SGCD: variants seen among roughly 807,000 people sequenced by gnomAD.
SGCD encodes the protein sarcoglycan delta.
In SGCD, 18 loss-of-function variants were observed where a neutral mutation model predicts 36.6. The observed-to-expected ratio is 0.49, with a 90% CI of 0.34 to 0.73. SGCD has a LOEUF of 0.73. SGCD is among the 30% of genes least tolerant of loss of function. The pLI is 0.01. For missense variants in SGCD, 387 were observed against 346.7 expected (o/e 1.12, Z -0.92); for synonymous variants, 133 against 130.6 (o/e 1.02, Z -0.12).
the SGCD span, among the ~76,000 whole-genome samples, chr5:155,792,803 G>A: frequency 4.8e-3 from 734 of 152,274 alleles, 2 homozygotes; most frequent in African/African-American, 0.017. Context: ...CATTGTTGGC[G>A]GGAATGCAAA....
chr5:156,427,063 T>C (rs1426379868), intron 3 of SGCD, among the ~76,000 whole-genome samples: 3 of 152,142 alleles, frequency 2.0e-5, no homozygotes, highest in Admixed American at 6.6e-5. Flanking sequence ...AGGATTCTTT[T>C]TTCTGGTTCT....
intron 3 of SGCD, among the ~76,000 whole-genome samples, chr5:156,200,976 C>T (rs930917340): frequency 7.2e-5 from 11 of 152,096 alleles, no homozygotes; most frequent in Admixed American, 5.9e-4. Flanking sequence ...TTATGCTAAG[C>T]AAAATAAGCC....
intron 3 of SGCD, among the ~76,000 whole-genome samples, chr5:156,485,760 G>T (rs151097664): frequency 6.6e-6 from 1 of 152,102 alleles, no homozygotes; most frequent in Non-Finnish European, 1.5e-5. Flanking sequence ...CTGAAGGAGC[G>T]TCTTTGTGAG....
chr5:155,929,693 G>T (rs893718033), intron 1 of SGCD, among the ~76,000 whole-genome samples: 10 of 152,038 alleles, frequency 6.6e-5, no homozygotes, highest in African/African-American at 2.2e-4. Flanking sequence ...TTCTATTATG[G>T]CACAGACTTC....
intron 7 of SGCD, among the ~76,000 whole-genome samples, chr5:156,738,214 A>ATTAT (rs1290261286): frequency 6.6e-6 from 1 of 152,198 alleles, no homozygotes; most frequent in African/African-American, 2.4e-5. Context: ...ATTCAAATCA[A>ATTAT]TTATTTAGTT....
At chr5:156,689,649 C>T (rs1404113524) in intron 7 of SGCD, among the ~76,000 whole-genome samples, 2 of 152,134 alleles carry the variant, frequency 1.3e-5, no homozygotes, top group East Asian at 3.8e-4. Context: ...CCCCACCATC[C>T]AAATTGAGAA....
At chr5:156,580,645 A>G (rs1760214674) in intron 4 of SGCD, among the ~76,000 whole-genome samples, 2 of 152,138 alleles carry the variant, frequency 1.3e-5, no homozygotes, top group South Asian at 4.2e-4. Flanking sequence ...TATTTCATTA[A>G]TTTGATCTTC....
intron 3 of SGCD, among the ~76,000 whole-genome samples, chr5:156,205,975 G>C (rs1202622750): frequency 7.1e-6 from 1 of 141,524 alleles, no homozygotes; most frequent in Non-Finnish European, 1.5e-5. Flanking sequence ...ATATATGTGT[G>C]TGTATATATA....
chr5:156,657,422 G>C (rs1763735582), intron 7 of SGCD, among the ~76,000 whole-genome samples: 1 of 134,670 alleles, frequency 7.4e-6, no homozygotes, highest in Non-Finnish European at 1.5e-5. Context: ...GTAGTCCCCG[G>C]AGTGTGATGT....
At chr5:156,125,144 C>A (rs530927980) in intron 3 of SGCD, among the ~76,000 whole-genome samples, 6 of 152,242 alleles carry the variant, frequency 3.9e-5, no homozygotes, top group Admixed American at 2.0e-4. Context: ...CCATTGGTAA[C>A]TCATTTGATG....
intron 1 of SGCD, among the ~76,000 whole-genome samples, chr5:155,879,319 G>C (rs1755831470): frequency 6.6e-6 from 1 of 152,124 alleles, no homozygotes; most frequent in African/African-American, 2.4e-5. Flanking sequence ...TTGTACGCTA[G>C]AGTGATTTCA....
intron 7 of SGCD, among the ~76,000 whole-genome samples, chr5:156,688,642 A>C (rs993061523): frequency 1.3e-5 from 2 of 152,230 alleles, no homozygotes; most frequent in African/African-American, 4.8e-5. Flanking sequence ...ACAGTGAAGA[A>C]ACTCTGGTTT....
intron 3 of SGCD, among the ~76,000 whole-genome samples, chr5:156,389,464 G>A (rs1241777663): frequency 6.6e-6 from 1 of 152,152 alleles, no homozygotes; most frequent in Admixed American, 6.6e-5. Flanking sequence ...AGACATCTGG[G>A]AGTTATAGTA....
intron 3 of SGCD, among the ~76,000 whole-genome samples, chr5:156,482,622 T>C (rs1255676196): frequency 6.6e-6 from 1 of 152,198 alleles, no homozygotes; most frequent in Non-Finnish European, 1.5e-5. Flanking sequence ...CAAAGTATCA[T>C]AATTCCATTG....
At chr5:156,216,961 C>A (rs187030103) in intron 3 of SGCD, among the ~76,000 whole-genome samples, 1 of 152,108 alleles carries the variant, frequency 6.6e-6, no homozygotes. Context: ...AGCCTGTAAT[C>A]CAGCTACTCT....
chr5:156,392,953 A>C (rs72798976), intron 3 of SGCD, among the ~76,000 whole-genome samples: 11,812 of 152,104 alleles, frequency 0.078, 538 homozygotes, highest in South Asian at 0.15. Context: ...TTTTATAGGC[A>C]CAGGATGGGG....
At chr5:156,101,709 A>C (rs985833461) in intron 1 of SGCD, among the ~76,000 whole-genome samples, 1 of 152,158 alleles carries the variant, frequency 6.6e-6, no homozygotes, top group Non-Finnish European at 1.5e-5. Flanking sequence ...ACTATAAGAC[A>C]CTGTAGCTTC....
At chr5:156,010,122 A>T (rs1340615394) in intron 1 of SGCD, among the ~76,000 whole-genome samples, 2 of 152,200 alleles carry the variant, frequency 1.3e-5, no homozygotes, top group African/African-American at 4.8e-5. Context: ...TTAATTTGTG[A>T]AATCAAATGT....
At chr5:155,817,732 G>A in the SGCD span, among the ~76,000 whole-genome samples, 1 of 152,044 alleles carries the variant, frequency 6.6e-6, no homozygotes, top group Non-Finnish European at 1.5e-5. Flanking sequence ...TGAAGTCTGA[G>A]CATATCTTAA....
Sources: gnomAD v4.1 joint callset for allele counts (sites outside exome capture counted in the v4.1 genomes callset) on GRCh38, gnomAD v4.1.1 for gene constraint, MANE v1.5 for transcripts, NCBI Gene and HGNC (gene_info 2026-07-23, HGNC 2026-07-21) for gene names.